Variants in MAML3 observed in about 807,000 individuals in gnomAD.
The protein encoded by MAML3 is mastermind like transcriptional coactivator 3.
A neutral mutation model predicts 101.9 loss-of-function variants in MAML3; 27 were observed. The ratio of observed to expected loss-of-function variants is 0.27; its 90% CI spans 0.20 to 0.37. The LOEUF (loss-of-function observed/expected upper bound fraction) is 0.37. Among genes scored for constraint, MAML3 ranks in the 10% least tolerant of loss-of-function variants. The pLI is 1.00. For missense variants in MAML3, 1,316 were observed against 1,444.9 expected, an observed-to-expected ratio of 0.91 and a Z score of 1.45; for synonymous variants, 501 against 555.9, an observed-to-expected ratio of 0.90 and a Z score of 1.39.
intron 2 of MAML3, among the ~76,000 whole-genome samples, chr4:139,885,580 C>G: frequency 6.6e-6 from 1 of 151,430 alleles, no homozygotes; most frequent in Non-Finnish European, 1.5e-5. Flanking sequence ...TAGAGACAAT[C>G]TGGGAGGTTT....
intron 1 of MAML3, among the ~76,000 whole-genome samples, chr4:140,037,189 G>A (rs1239369418): frequency 1.3e-5 from 2 of 149,242 alleles, no homozygotes; most frequent in African/African-American, 4.9e-5. Context: ...AAAACCTGAA[G>A]CTCAAGACTG....
chr4:139,782,792 G>A lies in MAML3; in HGVS notation c.2080-52125C>T, dbSNP rs1487356613. ...GCTTCACTTAAGACAGGAGGCCTCT[G>A]ATGTCAACCCCACAGCTCTGAGCTG... On this transcript the variant is annotated intron_variant, in intron 2 of 4. Coordinates refer to ENST00000509479, the MANE Select transcript of MAML3 (RefSeq NM_018717.5). 3.9e-5 allele frequency among the ~76,000 whole-genome samples: 6 copies of A among 152,156 alleles called. No homozygotes were observed. The East Asian group carries it at 1.2e-3, about 29-fold the overall frequency.
At chr4:140,063,985 A>G (rs991625517) in intron 1 of MAML3, among the ~76,000 whole-genome samples, 4 of 152,212 alleles carry the variant, frequency 2.6e-5, no homozygotes, top group African/African-American at 9.7e-5. Context: ...GAATGTGCTC[A>G]TCAAGCATCA....
At chr4:140,010,731 C>T (rs139873092) in intron 1 of MAML3, among the ~76,000 whole-genome samples, 5 of 152,092 alleles carry the variant, frequency 3.3e-5, no homozygotes, top group East Asian at 1.9e-4. Context: ...TATTTTGAAA[C>T]GGGGTGCATT....
At chr4:140,111,108 C>T (rs898376771) in intron 1 of MAML3, among the ~76,000 whole-genome samples, 2 of 152,168 alleles carry the variant, frequency 1.3e-5, no homozygotes, top group Non-Finnish European at 2.9e-5. Context: ...CTGACACTAC[C>T]TATGCTATGT....
intron 1 of MAML3, among the ~76,000 whole-genome samples, chr4:140,019,996 G>T (rs1455466591): frequency 2.0e-5 from 3 of 152,142 alleles, no homozygotes; most frequent in Non-Finnish European, 4.4e-5. Context: ...AGGGAGCTTG[G>T]TAGTCTTCCC....
intron 1 of MAML3, among the ~76,000 whole-genome samples, chr4:140,151,097 T>A (rs7685569): frequency 1.3e-5 from 2 of 152,056 alleles, no homozygotes; most frequent in South Asian, 2.1e-4. Context: ...GGCCCCGGGG[T>A]CTGAGCTGGG....
chr4:139,802,405 C>CAA (rs1730625802), intron 2 of MAML3, among the ~76,000 whole-genome samples: 1 of 152,156 alleles, frequency 6.6e-6, no homozygotes, highest in East Asian at 1.9e-4. Context: ...CACTGTTTTC[C>CAA]CATGAGCAAC....
intron 2 of MAML3, among the ~76,000 whole-genome samples, chr4:139,753,834 G>A (rs1313301156): frequency 1.3e-5 from 2 of 152,108 alleles, no homozygotes; most frequent in African/African-American, 2.4e-5. Flanking sequence ...CAAGACGCAC[G>A]GGTATGGCTG....
At chr4:139,769,401 G>A (rs1243743371) in intron 2 of MAML3, among the ~76,000 whole-genome samples, 1 of 152,156 alleles carries the variant, frequency 6.6e-6, no homozygotes, top group African/African-American at 2.4e-5. Flanking sequence ...TGTCCATTTT[G>A]TTCTATAATC....
At chr4:140,043,910 C>T (rs1188480793) in intron 1 of MAML3, among the ~76,000 whole-genome samples, 1 of 152,004 alleles carries the variant, frequency 6.6e-6, no homozygotes, top group Non-Finnish European at 1.5e-5. Flanking sequence ...ACTGTTAATA[C>T]CAGGAAAAGT....
chr4:139,851,117 C>T (rs985723246), intron 2 of MAML3, among the ~76,000 whole-genome samples: 2 of 152,224 alleles, frequency 1.3e-5, no homozygotes, highest in African/African-American at 4.8e-5. Context: ...TCCCTCCAGG[C>T]TCTCTGAAGG....
intron 1 of MAML3, among the ~76,000 whole-genome samples, chr4:140,035,478 G>A (rs1209292885): frequency 6.6e-6 from 1 of 152,014 alleles, no homozygotes; most frequent in South Asian, 2.1e-4. Context: ...TACCTCTAGG[G>A]AATATATGTA....
intron 4 of MAML3, among the ~76,000 whole-genome samples, 177 bp from the exon 5 acceptor site, chr4:139,720,500 A>G (rs1159597098): frequency 6.6e-6 from 1 of 152,238 alleles, no homozygotes; most frequent in Non-Finnish European, 1.5e-5. Context: ...GCTGATTGTG[A>G]AAATTTTGAA....
At chr4:140,126,423 G>A (rs958514342) in intron 1 of MAML3, among the ~76,000 whole-genome samples, 1 of 152,088 alleles carries the variant, frequency 6.6e-6, no homozygotes, top group African/African-American at 2.4e-5. Flanking sequence ...CCAGGAGACT[G>A]GTCCTTATCT....
At chr4:139,865,325 T>C (rs1731875354) in intron 2 of MAML3, among the ~76,000 whole-genome samples, 1 of 152,116 alleles carries the variant, frequency 6.6e-6, no homozygotes, top group South Asian at 2.1e-4. Context: ...AAGGGTCCAG[T>C]ATCCATCATG....
At chr4:139,983,047 G>A (rs540207736) in intron 1 of MAML3, among the ~76,000 whole-genome samples, 2 of 152,220 alleles carry the variant, frequency 1.3e-5, no homozygotes, top group African/African-American at 2.4e-5. Context: ...TCATCTATTC[G>A]TGATAGTTAG....
intron 2 of MAML3, among the ~76,000 whole-genome samples, chr4:139,776,677 G>A (rs1393181500): frequency 1.3e-5 from 2 of 152,110 alleles, no homozygotes; most frequent in East Asian, 3.8e-4. Context: ...AAAACAAAAG[G>A]CACCAAAACT....
intron 1 of MAML3, among the ~76,000 whole-genome samples, chr4:139,960,457 G>A (rs986985313): frequency 5.3e-5 from 8 of 152,176 alleles, no homozygotes; most frequent in Non-Finnish European, 4.4e-5. Context: ...GCTATACCAA[G>A]GGTAGGTTGG....
Sources: allele counts gnomAD v4.1 joint callset (sites outside exome capture counted in the v4.1 genomes callset), GRCh38; gene constraint gnomAD v4.1.1; transcripts MANE v1.5; gene names NCBI Gene and HGNC (gene_info 2026-07-23, HGNC 2026-07-21).